The following MRC1 variants were observed in gnomAD, a reference collection of about 807,000 sequenced individuals.
MRC1 encodes the protein macrophage mannose receptor 1.
MRC1 carries 62 observed loss-of-function variants against 102.9 expected under a neutral mutation model. The ratio of observed to expected loss-of-function variants is 0.60; its 90% CI spans 0.49 to 0.74. The LOEUF is 0.74. MRC1 is among the 30% of genes least tolerant of loss of function. The pLI is 0.00. For missense variants in MRC1, 1,237 were observed against 862.8 expected (o/e 1.43, Z -5.43); for synonymous variants, 457 against 298.4 (o/e 1.53, Z -5.48).
In MRC1 at chr10:17,857,149, G is replaced by A. The variant is rs981420678; in HGVS notation, c.1518+797G>A. Among the ~76,000 whole-genome samples the A allele has an allele frequency of 9.4e-3, 1,432 of 152,254 alleles. 10 individuals carry two copies. The highest frequency in any genetic ancestry group is 0.015 in the Non-Finnish European group (1,028 of 68,014). The stretch of plus-strand genomic sequence containing the variant: ...TAAAAATAAACCATAAAGAAATAGA[G>A]CAGATAATGGAAAATCATAGCATGG... On this transcript the variant is annotated intron_variant, in intron 9 of 29. Transcript: ENST00000569591.
At chr10:17,892,530 G>T (rs781994616) in intron 22 of MRC1, among the ~76,000 whole-genome samples, 2 of 152,236 alleles carry the variant, frequency 1.3e-5, no homozygotes, top group East Asian at 3.9e-4. Flanking sequence ...TTGATGTTCA[G>T]CTTTTCTCGC....
At chr10:17,832,744 C>T (rs898724735) in intron 3 of MRC1, among the ~76,000 whole-genome samples, 9 of 151,036 alleles carry the variant, frequency 6.0e-5, no homozygotes, top group Admixed American at 4.6e-4. Flanking sequence ...CCCGCCACCA[C>T]GCCCGGCTAA....
At chr10:17,848,399 C>G (rs1239135538) in intron 6 of MRC1, among the ~76,000 whole-genome samples, 1 of 152,150 alleles carries the variant, frequency 6.6e-6, no homozygotes, top group African/African-American at 2.4e-5. Flanking sequence ...GGCCCTGTGC[C>G]AGGCTCAAGG....
At chr10:17,830,507 T>C (rs1838554530) in intron 3 of MRC1, among the ~76,000 whole-genome samples, 3 of 151,564 alleles carry the variant, frequency 2.0e-5, no homozygotes, top group African/African-American at 4.9e-5. Flanking sequence ...ATTAACCTAG[T>C]AACACTTAGT....
intron 22 of MRC1, 61 bp from the exon 23 acceptor site, chr10:17,894,149 A>G (rs1383231329): frequency 2.3e-6 from 2 of 860,852 alleles, no homozygotes; most frequent in African/African-American, 1.6e-5. Flanking sequence ...TTATTAATGA[A>G]TTGATTTCAA....
chr10:17,897,829 G>C (rs916861598), intron 23 of MRC1, among the ~76,000 whole-genome samples: 22 of 152,086 alleles, frequency 1.4e-4, no homozygotes, highest in African/African-American at 5.1e-4. Flanking sequence ...ATATAGTTTG[G>C]AATTAATTTA....
chr10:17,824,198 T>A (rs1838439908), intron 2 of MRC1, among the ~76,000 whole-genome samples: 1 of 152,226 alleles, frequency 6.6e-6, no homozygotes, highest in Admixed American at 6.5e-5. Flanking sequence ...AATTTCACTA[T>A]CTGGTGGCTG....
intron 19 of MRC1, among the ~76,000 whole-genome samples, chr10:17,880,054 C>T (rs1296098444): frequency 6.6e-6 from 1 of 152,090 alleles, no homozygotes; most frequent in Non-Finnish European, 1.5e-5. Context: ...AATTAGGAAC[C>T]ATTTTTTCAT....
intron 6 of MRC1, among the ~76,000 whole-genome samples, chr10:17,847,251 C>G (rs1372237678): frequency 6.6e-6 from 1 of 152,166 alleles, no homozygotes; most frequent in East Asian, 1.9e-4. Context: ...TATAGTTTCT[C>G]TGGTACAGCA....
At chr10:17,834,305 C>T (rs1485270941) in intron 4 of MRC1, among the ~76,000 whole-genome samples, 1 of 152,196 alleles carries the variant, frequency 6.6e-6, no homozygotes, top group Non-Finnish European at 1.5e-5. Flanking sequence ...ACCCTGAGTT[C>T]TTTTAGCCTC....
rs567691950 is a variant in MRC1 at position 17,843,359 on chromosome 10, G to A, written c.917-1930G>A. On this transcript the variant is annotated intron_variant, in intron 5 of 29. Coordinates refer to ENST00000569591, the MANE Select transcript of MRC1 (RefSeq NM_002438.4). ...ATTACTAACTTTATGATAACTTTAT[G>A]CTTATTACTAACTTTAAGATAACTT... 1.5e-3 allele frequency among the ~76,000 whole-genome samples: 232 copies of A among 152,132 alleles called. 2 individuals carry two copies. Among genetic ancestry groups the A allele is most frequent in the African/African-American group, 5.5e-3 (227 of 41,474 alleles).
chr10:17,810,800 T>A (rs1339191233), intron 1 of MRC1, among the ~76,000 whole-genome samples: 3 of 152,204 alleles, frequency 2.0e-5, no homozygotes, highest in Non-Finnish European at 4.4e-5. Flanking sequence ...ATTAATTTTA[T>A]TTTTATTTTT....
chr10:17,877,710 A>C lies in MRC1; in HGVS notation c.2551-190A>C, dbSNP rs1025183858. Among the ~76,000 whole-genome samples the C allele has an allele frequency of 2.3e-4, 35 of 151,996 alleles. No homozygotes were observed. In the South Asian group the frequency reaches 7.3e-3, roughly 32 times the overall value. On this transcript the variant is annotated intron_variant, in intron 17 of 29. Coordinates refer to ENST00000569591, the MANE Select transcript of MRC1 (RefSeq NM_002438.4). ...TAAAAGACTCCTGCTTTACAAGTTCAAATTATTAAATTGTGTGCATTTTTT... is the reference window on the plus strand; with the variant it reads ...TAAAAGACTCCTGCTTTACAAGTTCCAATTATTAAATTGTGTGCATTTTTT...
At chr10:17,879,861 G>T in intron 19 of MRC1, 40 bp downstream of exon 19, 1 of 780,788 alleles carries the variant, frequency 1.3e-6, no homozygotes, top group African/African-American at 1.7e-5. Context: ...TTGTGGCGTG[G>T]CGTGTCATTT....
Position 17,907,698 on chromosome 10 carries a change from A to G in MRC1, c.4078A>G (p.Ile1360Val). ...YKGYICKRPK[I>V]IDAKPTHELL... ...AGGATATATTTGTAAAAGACCAAAA[A>G]GTAAGTAAGAAGTTTGTTGCATGGT... The change falls in exon 28 of 30, where the codon ATT becomes GTT. Residue 1360 changes from isoleucine to valine, a missense_variant and splice_region_variant. Transcript: ENST00000569591. 1 of 780,794 alleles carries G rather than the reference A, an allele frequency of 1.3e-6. No homozygotes were observed. Among genetic ancestry groups the G allele is most frequent in the South Asian group, 1.3e-5 (1 of 74,600 alleles). 48.4% of individuals were successfully genotyped at this position (780,794 alleles called of 1,614,324 possible).
intron 6 of MRC1, among the ~76,000 whole-genome samples, chr10:17,848,453 C>A (rs968588780): frequency 6.6e-6 from 1 of 152,132 alleles, no homozygotes; most frequent in African/African-American, 2.4e-5. Flanking sequence ...TCTTTATTGT[C>A]ACTTTCCCCT....
In MRC1 at chr10:17,910,685, AT is replaced by A; in HGVS notation, c.*224del. 1 of 585,892 alleles carries A rather than the reference AT, an allele frequency of 1.7e-6. No individual in the cohort carries two copies. The highest frequency in any genetic ancestry group is 3.0e-6 in the Non-Finnish European group (1 of 329,822). 36.3% of individuals were successfully genotyped at this position (585,892 alleles called of 1,614,324 possible). A position where few individuals can be genotyped will look rare whatever the true frequency, so the allele number is the denominator to read the frequency against. Reference sequence around the variant, plus strand: ...AATGCTGATTACTACCTTTTAAAATATTTTAGATAAATGCACAGCACCACAG... The same window carrying A: ...AATGCTGATTACTACCTTTTAAAATATTTAGATAAATGCACAGCACCACAG... On this transcript the variant is annotated 3_prime_UTR_variant, in exon 30 of 30. Coordinates refer to ENST00000569591, the MANE Select transcript of MRC1 (RefSeq NM_002438.4).
At chr10:17,910,181 C>T in intron 29 of MRC1, 34 bp from the exon 30 acceptor site, 1 of 780,276 alleles carries the variant, frequency 1.3e-6, no homozygotes. Flanking sequence ...CTGCCTCCCT[C>T]CACGTTTTCC....
At chr10:17,901,419 T>C (rs1317070990) in intron 25 of MRC1, among the ~76,000 whole-genome samples, 8 of 152,362 alleles carry the variant, frequency 5.3e-5, no homozygotes, top group South Asian at 2.1e-4. Context: ...CCGGGTGCGG[T>C]GGCTCACCCC....
Sources: allele counts gnomAD v4.1 joint callset (sites outside exome capture counted in the v4.1 genomes callset), GRCh38; gene constraint gnomAD v4.1.1; transcripts MANE v1.5; gene names NCBI Gene and HGNC (gene_info 2026-07-23, HGNC 2026-07-21).